Variants in TMEM59 observed in about 807,000 individuals in gnomAD.
TMEM59 encodes the protein transmembrane protein 59.
In TMEM59, 44 loss-of-function variants were observed where a neutral mutation model predicts 42.2. That is an observed-to-expected ratio of 1.04 (90% CI 0.82 to 1.34). TMEM59 has a LOEUF of 1.34. Ranked by LOEUF, TMEM59 falls within the 40% of genes most tolerant of loss-of-function variation. The probability of loss-of-function intolerance (pLI) is 0.00; values close to 1 mark genes in which losing one functional copy is unlikely to be tolerated. For missense variants in TMEM59, 359 were observed against 382.8 expected (o/e 0.94, Z 0.52); for synonymous variants, 148 against 145.8 (o/e 1.02, Z -0.11).
chr1:54,050,118 G>T (rs1472953498), intron 1 of TMEM59, among the ~76,000 whole-genome samples: 1 of 151,072 alleles, frequency 6.6e-6, no homozygotes, highest in African/African-American at 2.4e-5. Context: ...AAGTGTCTGA[G>T]ATTTCTTTTT....
chr1:54,038,722 T>C (rs867049715), intron 6 of TMEM59, among the ~76,000 whole-genome samples: 1 of 152,302 alleles, frequency 6.6e-6, no homozygotes, highest in Non-Finnish European at 1.5e-5. Flanking sequence ...AATGCTAACA[T>C]AGTGACTGTA....
chr1:54,040,873 A>G (rs1169919163), intron 5 of TMEM59, 36 bp from the exon 6 acceptor site: 1 of 1,549,148 alleles, frequency 6.5e-7, no homozygotes, highest in Admixed American at 1.7e-5. Context: ...ATTATATCCT[A>G]TATTCCAAAA....
chr1:54,036,603 A>T lies in TMEM59; in HGVS notation c.816+7T>A, dbSNP rs1245405043. The T allele has an allele frequency of 6.4e-7, 1 of 1,562,478 alleles. No homozygotes were observed. Among genetic ancestry groups the T allele is most frequent in the Non-Finnish European group, 8.6e-7 (1 of 1,156,414 alleles). ...CTCAGTCTTCAAATGGTAAGAATTA[A>T]ATTTACCTCAGAGGGAACATACTGC... On this transcript the variant is annotated splice_region_variant and intron_variant, in intron 7 of 7. Transcript: ENST00000234831.
chr1:54,043,469 T>C lies in TMEM59; in HGVS notation c.447A>G (p.Ser149=). The change falls in exon 4 of 8, where the codon TCA becomes TCG. Residue 149 remains serine (S), a synonymous_variant. Coordinates refer to ENST00000234831, the MANE Select transcript of TMEM59 (RefSeq NM_004872.5). ...HLLFPLTLVR[S]FWSDMMDSAQ... ...CGGAGTCCATCATGTCACTCCAGAA[T>C]GACCTCACCAGAGTTAGAGGAAAGA... 1 of 1,571,728 alleles carries C rather than the reference T, an allele frequency of 6.4e-7. No homozygotes were observed. Among genetic ancestry groups the C allele is most frequent in the African/African-American group, 1.4e-5 (1 of 73,860 alleles).
intron 3 of TMEM59, chr1:54,043,913 T>C (rs544149768): frequency 6.6e-6 from 1 of 152,158 alleles, no homozygotes; most frequent in Non-Finnish European, 1.5e-5. Flanking sequence ...GAATAAATCA[T>C]GCTATAATGA....
intron 1 of TMEM59, among the ~76,000 whole-genome samples, chr1:54,051,848 T>C (rs1184977927): frequency 1.3e-5 from 2 of 152,242 alleles, no homozygotes; most frequent in East Asian, 3.8e-4. Flanking sequence ...TCCCACACTT[T>C]TTTTTGAAAA....
At chr1:54,052,146 T>C (rs1464191283) in intron 1 of TMEM59, among the ~76,000 whole-genome samples, 1 of 152,058 alleles carries the variant, frequency 6.6e-6, no homozygotes, top group Non-Finnish European at 1.5e-5. Context: ...ACTCAAATCA[T>C]ACATGGGAAA....
At chr1:54,041,699 C>T in intron 5 of TMEM59, 25 bp downstream of exon 5, 15 of 1,588,558 alleles carry the variant, frequency 9.4e-6, no homozygotes, top group Non-Finnish European at 1.3e-5. Flanking sequence ...ATGTTTTTAT[C>T]TAAGCTACTT....
At position 54,038,212 on chromosome 1, in the gene TMEM59, A is replaced by G. The variant is rs140694644; in HGVS notation, c.708-1494T>C. Among the ~76,000 whole-genome samples, 364 of 152,290 alleles carry G rather than the reference A, an allele frequency of 2.4e-3. 2 individuals carry two copies. Among genetic ancestry groups the G allele is most frequent in the African/African-American group, 8.3e-3 (345 of 41,556 alleles). On this transcript the variant is annotated intron_variant, in intron 6 of 7. Coordinates refer to ENST00000234831, the MANE Select transcript of TMEM59 (RefSeq NM_004872.5). ...ACTCTCCTTATCCTCCATATATAGTAATGTACCCTATACACATTGAGCAGG... is the reference window on the plus strand; with the variant it reads ...ACTCTCCTTATCCTCCATATATAGTGATGTACCCTATACACATTGAGCAGG...
At position 54,029,600 on chromosome 1, in the gene TMEM59, G is replaced by C. The variant is rs917382875; in HGVS notation, c.*2550C>G. ...AGAAGGGGCTTGGAAGCTCAGTTTT[G>C]TTGCTTTGGTTGGGATTTTCAAGAT... On this transcript the variant is annotated 3_prime_UTR_variant, in exon 8 of 8. Coordinates refer to ENST00000234831, the MANE Select transcript of TMEM59 (RefSeq NM_004872.5). 6.6e-6 allele frequency: 1 copy of C among 152,120 alleles called. No homozygotes were observed. The highest frequency in any genetic ancestry group is 2.4e-5 in the African/African-American group (1 of 41,420). The allele number at this position is 152,120 out of a possible 1,614,324, so 9.4% of individuals were successfully genotyped here. A position where few individuals can be genotyped will look rare whatever the true frequency, so the allele number is the denominator to read the frequency against.
rs370808647 is a variant in TMEM59, at chr1:54,032,105, G to A, written c.*45C>T. The A allele has an allele frequency of 2.5e-5, 39 of 1,541,858 alleles. No individual in the cohort carries two copies. The highest frequency in any genetic ancestry group is 3.2e-5 in the Non-Finnish European group (37 of 1,140,764). Reference sequence around the variant, plus strand: ...CCATTTTAAAAGCTCTATGAGGAGTGGAATTTTAGATGTCTATTACACTTG... The same window carrying A: ...CCATTTTAAAAGCTCTATGAGGAGTAGAATTTTAGATGTCTATTACACTTG... On this transcript the variant is annotated 3_prime_UTR_variant, in exon 8 of 8. Coordinates refer to ENST00000234831, the MANE Select transcript of TMEM59 (RefSeq NM_004872.5).
chr1:54,048,591 T>C (rs1294644761), intron 1 of TMEM59: 8 of 376,242 alleles, frequency 2.1e-5, no homozygotes, highest in Non-Finnish European at 3.8e-5. Context: ...TGTTTTTCTT[T>C]GATAAAATAA....
rs1657207144 is a variant in TMEM59, at chr1:54,043,357, G to A, written c.543+16C>T. ...GTTGTTAGTATTTAGATGAATCCAT[G>A]AAGCTCAGTTGTCACCTGGAATATA... On this transcript the variant is annotated intron_variant, in intron 4 of 7. Coordinates refer to ENST00000234831, the MANE Select transcript of TMEM59 (RefSeq NM_004872.5). 1.3e-6 allele frequency: 2 copies of A among 1,518,822 alleles called. No homozygotes were observed. Among genetic ancestry groups the A allele is most frequent in the Non-Finnish European group, 1.8e-6 (2 of 1,135,018 alleles). The allele number at this position is 1,518,822 out of a possible 1,614,324, so 94.1% of individuals were successfully genotyped here. A position where few individuals can be genotyped will look rare whatever the true frequency, so the allele number is the denominator to read the frequency against.
At chr1:54,040,034 A>G (rs964289553) in intron 6 of TMEM59, among the ~76,000 whole-genome samples, 8 of 152,204 alleles carry the variant, frequency 5.3e-5, no homozygotes, top group African/African-American at 1.7e-4. Context: ...TCCTTAGTAT[A>G]GAATACAAAG....
chr1:54,042,050 TGTTTTG>T (rs1657157108), intron 4 of TMEM59, among the ~76,000 whole-genome samples: 1 of 149,842 alleles, frequency 6.7e-6, no homozygotes, highest in Admixed American at 6.6e-5. Flanking sequence ...GACAACGTTT[TGTTTTG>T]TTTTTTTTTT....
rs868363413 is a variant in TMEM59, at chr1:54,041,657, A to T, written c.625+67T>A. 29 of 1,294,460 alleles carry T rather than the reference A, an allele frequency of 2.2e-5. No individual in the cohort carries two copies. The Middle Eastern group carries it at 1.4e-3, about 62-fold the overall frequency. 80.2% of individuals were successfully genotyped at this position (1,294,460 alleles called of 1,614,324 possible). A position where few individuals can be genotyped will look rare whatever the true frequency, so the allele number is the denominator to read the frequency against. On this transcript the variant is annotated intron_variant, in intron 5 of 7. Coordinates refer to ENST00000234831, the MANE Select transcript of TMEM59 (RefSeq NM_004872.5). ...TTCCATCAGTGTAAAAACAAACATG[A>T]CCAACTCTACTACAACCAGATTTGA...
chr1:54,048,986 T>C (rs1657438977), intron 1 of TMEM59, among the ~76,000 whole-genome samples: 2 of 152,228 alleles, frequency 1.3e-5, no homozygotes, highest in Admixed American at 1.3e-4. Context: ...TTATTTTATG[T>C]CTCTGGAGCA....
chr1:54,044,937 T>A (rs1278379005), intron 3 of TMEM59: 2 of 152,236 alleles, frequency 1.3e-5, no homozygotes, highest in East Asian at 1.9e-4. Flanking sequence ...TAACCTTGGC[T>A]ACATTCAAGA....
chr1:54,032,206 G>C lies in TMEM59; in HGVS notation c.916C>G (p.His306Asp). ...LVVVRSKTED[H>D]EEAGPLPTKV... is the part of the protein sequence containing the mutation. ...GTAGGTAGAGGCCCTGCTTCTTCAT[G>C]ATCTTCAGTTTTAGATCTAACAACC... Residue 306 changes from histidine to aspartate, a missense_variant, in exon 8 of 8, where the codon CAT becomes GAT. Transcript: ENST00000234831. 6.2e-7 allele frequency: 1 copy of C among 1,613,236 alleles called. No individual in the cohort carries two copies. The highest frequency in any genetic ancestry group is 1.3e-5 in the African/African-American group (1 of 75,014).
Sources: allele counts gnomAD v4.1 joint callset (sites outside exome capture counted in the v4.1 genomes callset), GRCh38; gene constraint gnomAD v4.1.1; transcripts MANE v1.5; gene names NCBI Gene and HGNC (gene_info 2026-07-23, HGNC 2026-07-21).